The following TBC1D8 variants were observed in gnomAD, a reference collection of about 807,000 sequenced individuals.
The protein encoded by TBC1D8 is TBC1 domain family member 8, also known as BUB2-like protein 1.
In TBC1D8, 65 loss-of-function variants were observed where a neutral mutation model predicts 118.8. That is an observed-to-expected ratio of 0.55 (90% CI 0.45 to 0.67). The LOEUF is 0.67. TBC1D8 is among the 30% of genes least tolerant of loss of function. The pLI, the probability that TBC1D8 is intolerant of heterozygous loss-of-function variation, is 0.00. For synonymous variants in TBC1D8, 566 were observed against 595.8 expected, an observed-to-expected ratio of 0.95 and a Z score of 0.73; for missense variants, 1,376 against 1,471.2, an observed-to-expected ratio of 0.94 and a Z score of 1.06.
At position 101,022,338 on chromosome 2, in the gene TBC1D8, G is replaced by A. The variant is rs1353321958; in HGVS notation, c.2704C>T (p.Leu902Phe). 1.2e-6 allele frequency: 2 copies of A among 1,612,740 alleles called. No homozygotes were observed. The highest frequency in any genetic ancestry group is 2.2e-5 in the South Asian group (2 of 90,938). Residue 902 changes from leucine (L) to phenylalanine (F), a missense_variant, in exon 16 of 20, where the codon CTC becomes TTC. Leu to Phe is a conservative substitution (Grantham distance 22). Coordinates refer to ENST00000409318, the MANE Select transcript of TBC1D8 (RefSeq NM_001330348.2). ...TEILAERTFR[L>F]LDDNMDQLIE... The stretch of plus-strand genomic sequence containing the variant: ...AGCTGGTCCATGTTGTCATCCAAGA[G>A]CCTGAACGTCCTTTCGGCGAGGATC...
chr2:101,021,778 C>A, intron 16 of TBC1D8, 32 bp from the exon 17 acceptor site: 1 of 1,373,628 alleles, frequency 7.3e-7, no homozygotes, highest in Non-Finnish European at 1.0e-6. Context: ...TGAGTTGATG[C>A]CAATGCTGAA....
chr2:101,068,452 G>A (rs1297184967), intron 2 of TBC1D8: 10 of 349,068 alleles, frequency 2.9e-5, no homozygotes, highest in African/African-American at 1.3e-4. Context: ...CAGATATAGC[G>A]AAAGTGAAGT....
intron 5 of TBC1D8, among the ~76,000 whole-genome samples, chr2:101,042,348 A>G (rs1413575779): frequency 6.6e-6 from 1 of 152,198 alleles, no homozygotes; most frequent in Non-Finnish European, 1.5e-5. Flanking sequence ...AGAGGGAAAG[A>G]TTCTTCTCTT....
chr2:101,145,225 C>T (rs1449994120), intron 1 of TBC1D8, among the ~76,000 whole-genome samples: 1 of 152,230 alleles, frequency 6.6e-6, no homozygotes, highest in Non-Finnish European at 1.5e-5. Flanking sequence ...CCTTATTATG[C>T]TCTCACTAAA....
intron 2 of TBC1D8, among the ~76,000 whole-genome samples, chr2:101,076,294 G>A (rs576676385): frequency 2.6e-5 from 4 of 152,144 alleles, no homozygotes; most frequent in Non-Finnish European, 5.9e-5. Flanking sequence ...GTGAATTCAG[G>A]CAATGATCAT....
intron 3 of TBC1D8, among the ~76,000 whole-genome samples, chr2:101,057,735 G>T (rs1047420380): frequency 6.6e-6 from 1 of 152,118 alleles, no homozygotes; most frequent in African/African-American, 2.4e-5. Flanking sequence ...GAGGCAGGAG[G>T]ATCACTTGAG....
At chr2:101,075,901 T>C (rs944046485) in intron 2 of TBC1D8, among the ~76,000 whole-genome samples, 1 of 152,228 alleles carries the variant, frequency 6.6e-6, no homozygotes, top group Non-Finnish European at 1.5e-5. Flanking sequence ...GCTTGTAGTG[T>C]TCACTGTATA....
intron 1 of TBC1D8, among the ~76,000 whole-genome samples, chr2:101,105,592 T>TTAAA (rs767405279): frequency 8.0e-6 from 1 of 124,690 alleles, no homozygotes; most frequent in Non-Finnish European, 1.7e-5. Flanking sequence ...TGTCTCAAAT[T>TTAAA]AAAAAAAAAA....
chr2:101,105,888 CAT>C (rs1412224485), intron 1 of TBC1D8, among the ~76,000 whole-genome samples: 2 of 152,042 alleles, frequency 1.3e-5, no homozygotes, highest in Non-Finnish European at 2.9e-5. Context: ...GACGTAAAAA[CAT>C]ATGTCTACAG....
chr2:101,093,975 C>T (rs1228442725), intron 1 of TBC1D8, among the ~76,000 whole-genome samples: 7 of 152,070 alleles, frequency 4.6e-5, no homozygotes, highest in African/African-American at 9.7e-5. Context: ...GGATTACAGG[C>T]GTGAGCCACC....
chr2:101,147,509 A>G (rs769744511), intron 1 of TBC1D8, among the ~76,000 whole-genome samples: 1 of 152,164 alleles, frequency 6.6e-6, no homozygotes, highest in Non-Finnish European at 1.5e-5. Context: ...CCATTCTAAG[A>G]AAAACATTAA....
In TBC1D8 at chr2:101,115,224, G is replaced by A. The variant is rs76641756; in HGVS notation, c.128-24860C>T. Among the ~76,000 whole-genome samples, 1,488 of 152,226 alleles carry A rather than the reference G, an allele frequency of 9.8e-3. 28 individuals are homozygous for A. Among genetic ancestry groups the A allele is most frequent in the African/African-American group, 0.034 (1,403 of 41,516 alleles). ...TCCTTTTGACCCAAGATGCATCTCC[G>A]CCAACATCCACAAACAGACAACCTG... On this transcript the variant is annotated intron_variant, in intron 1 of 19. Coordinates refer to ENST00000409318, the MANE Select transcript of TBC1D8 (RefSeq NM_001330348.2).
At chr2:101,134,825 C>T (rs534414521) in intron 1 of TBC1D8, among the ~76,000 whole-genome samples, 69 of 152,316 alleles carry the variant, frequency 4.5e-4, no homozygotes, top group African/African-American at 1.6e-3. Flanking sequence ...GGTATTAATA[C>T]AGAATGTTGA....
chr2:101,017,741 A>G (rs530181861), intron 17 of TBC1D8: 5 of 1,099,296 alleles, frequency 4.5e-6, no homozygotes, highest in African/African-American at 3.1e-5. Flanking sequence ...CAGGCAAGAT[A>G]GGGTCAAGTG....
chr2:101,074,684 T>C (rs1291229889), intron 2 of TBC1D8, among the ~76,000 whole-genome samples: 1 of 152,172 alleles, frequency 6.6e-6, no homozygotes, highest in Non-Finnish European at 1.5e-5. Flanking sequence ...GTATATTAGA[T>C]AAACAGACAA....
chr2:101,148,226 C>T (rs887700268), intron 1 of TBC1D8, among the ~76,000 whole-genome samples: 1 of 152,180 alleles, frequency 6.6e-6, no homozygotes, highest in Non-Finnish European at 1.5e-5. Context: ...AAACAGGAAG[C>T]TGAGAAGAGA....
intron 2 of TBC1D8, among the ~76,000 whole-genome samples, chr2:101,063,005 C>T (rs935885507): frequency 3.3e-5 from 5 of 152,158 alleles, no homozygotes; most frequent in Non-Finnish European, 7.3e-5. Context: ...TATGGCTGGG[C>T]ATTAAAAAAG....
intron 2 of TBC1D8, among the ~76,000 whole-genome samples, chr2:101,076,417 G>A (rs879064308): frequency 6.6e-6 from 1 of 152,328 alleles, no homozygotes; most frequent in East Asian, 1.9e-4. Context: ...CAGATGATAC[G>A]TGCCTCCTGA....
chr2:101,028,521 C>A, intron 12 of TBC1D8, 89 bp from the exon 13 acceptor site: 3 of 1,468,800 alleles, frequency 2.0e-6, no homozygotes, highest in South Asian at 2.9e-5. Flanking sequence ...CATGCCAGGG[C>A]ACTTCCAAAC....
Sources: allele counts gnomAD v4.1 joint callset (sites outside exome capture counted in the v4.1 genomes callset), GRCh38; gene constraint gnomAD v4.1.1; transcripts MANE v1.5; gene names NCBI Gene and HGNC (gene_info 2026-07-23, HGNC 2026-07-21).